SYNJ2: variants seen among roughly 807,000 people sequenced by gnomAD.
SYNJ2 encodes the protein synaptojanin 2.
In SYNJ2, 116 loss-of-function variants were observed where a neutral mutation model predicts 141.3. That is an observed-to-expected ratio of 0.82 (90% CI 0.71 to 0.96). The LOEUF is 0.96. SYNJ2 is among the 40% of genes least tolerant of loss of function. The probability of loss-of-function intolerance (pLI) is 0.00; values close to 1 mark genes in which losing one functional copy is unlikely to be tolerated. For missense variants in SYNJ2, 1,873 were observed against 1,934.8 expected, an observed-to-expected ratio of 0.97 and a Z score of 0.60; for synonymous variants, 745 against 777.7, an observed-to-expected ratio of 0.96 and a Z score of 0.70.
chr6:158,048,376 C>A (rs1367756087), intron 5 of SYNJ2, among the ~76,000 whole-genome samples: 1 of 152,090 alleles, frequency 6.6e-6, no homozygotes, highest in Non-Finnish European at 1.5e-5. Flanking sequence ...GATCAGGGAG[C>A]ATCACTGGGT....
At chr6:158,053,104 G>A (rs1295423662) in intron 5 of SYNJ2, among the ~76,000 whole-genome samples, 1 of 152,124 alleles carries the variant, frequency 6.6e-6, no homozygotes, top group Non-Finnish European at 1.5e-5. Context: ...TTTTCCTAGT[G>A]TTTCATTATA....
At chr6:158,020,196 TCTGA>T (rs1184091078) in intron 2 of SYNJ2, among the ~76,000 whole-genome samples, 2 of 84,534 alleles carry the variant, frequency 2.4e-5, no homozygotes, top group African/African-American at 5.4e-5. Flanking sequence ...CCTGTGTGAC[TCTGA>T]CTGTGTGACC....
At chr6:158,069,072 A>C (rs1013504733) in intron 13 of SYNJ2, among the ~76,000 whole-genome samples, 34 of 152,180 alleles carry the variant, frequency 2.2e-4, no homozygotes, top group African/African-American at 8.2e-4. Context: ...GGACTGGGAG[A>C]GTAGTTGACT....
chr6:158,082,293 C>A (rs1299202555), intron 20 of SYNJ2, among the ~76,000 whole-genome samples: 1 of 152,008 alleles, frequency 6.6e-6, no homozygotes, highest in African/African-American at 2.4e-5. Context: ...TCGAGACCAG[C>A]CTGGCCAACA....
chr6:157,994,355 G>A (rs535634163), intron 1 of SYNJ2, among the ~76,000 whole-genome samples: 4 of 152,332 alleles, frequency 2.6e-5, no homozygotes, highest in Non-Finnish European at 5.9e-5. Flanking sequence ...GACAGTCCAC[G>A]TGCTCCAGGG....
intron 1 of SYNJ2, among the ~76,000 whole-genome samples, chr6:158,003,321 T>G (rs1323377679): frequency 1.3e-5 from 2 of 152,196 alleles, no homozygotes; most frequent in Non-Finnish European, 2.9e-5. Context: ...CAGCTTCTGT[T>G]TCAGACAGAT....
In SYNJ2 at chr6:158,066,446, A is replaced by C. The variant is rs1340470555; in HGVS notation, c.1528A>C (p.Thr510Pro). 6.2e-7 allele frequency: 1 copy of C among 1,613,878 alleles called. No individual in the cohort carries two copies. The highest frequency in any genetic ancestry group is 8.5e-7 in the Non-Finnish European group (1 of 1,179,954). Residue 510 changes from threonine to proline, a missense_variant and splice_region_variant, in exon 12 of 27, where the codon ACT becomes CCT. By Grantham distance (38) the Thr-to-Pro change is conservative. Coordinates refer to ENST00000355585, the MANE Select transcript of SYNJ2 (RefSeq NM_003898.4). Reference sequence around the variant, plus strand: ...TGCCTTTTTATGCCTCCTGACAGTGACTCCCAGGATCCTGAAAGCTATGAC... The same window carrying C: ...TGCCTTTTTATGCCTCCTGACAGTGCCTCCCAGGATCCTGAAAGCTATGAC... ...MLLDSTALLV[T>P]PRILKAMTER...
chr6:158,054,898 G>T, intron 5 of SYNJ2, 69 bp from the exon 6 acceptor site: 1 of 1,541,850 alleles, frequency 6.5e-7, no homozygotes, highest in East Asian at 2.3e-5. Flanking sequence ...GAAGGAGAAT[G>T]GGAAAAACCA....
In SYNJ2 at chr6:158,055,194, G is replaced by A. The variant is rs187787934; in HGVS notation, c.857+166G>A. On this transcript the variant is annotated intron_variant, in intron 6 of 26. Coordinates refer to ENST00000355585, the MANE Select transcript of SYNJ2 (RefSeq NM_003898.4). ...ATGCAAGAAGGGAGATGACAAAATG[G>A]GATTTTTACTTTGTTCTCAGGTTTC... Among the ~76,000 whole-genome samples the A allele has an allele frequency of 3.5e-3, 530 of 152,220 alleles. 1 individual carries two copies. Among genetic ancestry groups the A allele is most frequent in the Admixed American group, 5.2e-3 (80 of 15,280 alleles).
At chr6:157,997,034 C>G (rs943979021) in intron 1 of SYNJ2, among the ~76,000 whole-genome samples, 30 of 144,920 alleles carry the variant, frequency 2.1e-4, no homozygotes, top group African/African-American at 6.4e-4. Flanking sequence ...CCCACCCCCC[C>G]CCACCCAGCT....
chr6:158,083,756 G>A (rs904469567), intron 21 of SYNJ2, among the ~76,000 whole-genome samples, 159 bp downstream of exon 21: 2 of 152,180 alleles, frequency 1.3e-5, no homozygotes, highest in Admixed American at 6.5e-5. Flanking sequence ...ATGTGTGGAC[G>A]ATGCATGCCA....
Position 158,063,950 on chromosome 6 carries a change from T to A in SYNJ2, c.1209+78T>A, listed in dbSNP as rs1781393149. On this transcript the variant is annotated intron_variant, in intron 9 of 26. Transcript: ENST00000355585. Reference sequence around the variant, plus strand: ...AGCTGGACAGGCTGGGCTGAGCACCTTTAGCGGCAAGATGAGGGTGGCATC... The same window carrying A: ...AGCTGGACAGGCTGGGCTGAGCACCATTAGCGGCAAGATGAGGGTGGCATC... The A allele has an allele frequency of 4.7e-6, 7 of 1,476,012 alleles. No individual in the cohort carries two copies. The Admixed American group carries it at 5.2e-5, about 11-fold the overall frequency. 91.4% of individuals were successfully genotyped at this position (1,476,012 alleles called of 1,614,324 possible).
intron 3 of SYNJ2, among the ~76,000 whole-genome samples, chr6:158,031,605 C>G (rs1348791364): frequency 7.3e-6 from 1 of 136,884 alleles, no homozygotes; most frequent in Non-Finnish European, 1.6e-5. Context: ...TGAACCCCCA[C>G]TGTTGTGGCG....
intron 4 of SYNJ2, among the ~76,000 whole-genome samples, chr6:158,038,789 C>T (rs139559017): frequency 2.0e-5 from 3 of 152,316 alleles, no homozygotes; most frequent in Non-Finnish European, 4.4e-5. Context: ...GTGGTACTTC[C>T]GATAGGTGGT....
At chr6:158,051,841 G>A (rs1395447912) in intron 5 of SYNJ2, among the ~76,000 whole-genome samples, 6 of 151,290 alleles carry the variant, frequency 4.0e-5, no homozygotes, top group Non-Finnish European at 7.4e-5. Flanking sequence ...TTGTAGTCCC[G>A]GCAACTTGGG....
At chr6:158,064,467 C>A in intron 9 of SYNJ2, 134 bp from the exon 10 acceptor site, 2 of 1,128,258 alleles carry the variant, frequency 1.8e-6, no homozygotes, top group Non-Finnish European at 2.6e-6. Flanking sequence ...GGGAACTCCT[C>A]ATCCTCTGGA....
At chr6:158,026,614 G>A (rs1322505730) in intron 2 of SYNJ2, among the ~76,000 whole-genome samples, 1 of 152,164 alleles carries the variant, frequency 6.6e-6, no homozygotes, top group Non-Finnish European at 1.5e-5. Flanking sequence ...CCCCCAGGCC[G>A]TGGTCCTGCC....
chr6:158,048,857 G>A (rs1486799657), intron 5 of SYNJ2, among the ~76,000 whole-genome samples: 2 of 152,240 alleles, frequency 1.3e-5, no homozygotes, highest in African/African-American at 4.8e-5. Flanking sequence ...CCGTCGGCTT[G>A]CAAGCCTGCA....
chr6:158,029,738 T>C (rs1314080373), intron 3 of SYNJ2, among the ~76,000 whole-genome samples: 5 of 152,186 alleles, frequency 3.3e-5, no homozygotes, highest in Admixed American at 2.0e-4. Context: ...TTACCGCTGA[T>C]GTTTATAAAG....
Sources: allele counts gnomAD v4.1 joint callset (sites outside exome capture counted in the v4.1 genomes callset), GRCh38; gene constraint gnomAD v4.1.1; transcripts MANE v1.5; gene names NCBI Gene and HGNC (gene_info 2026-07-23, HGNC 2026-07-21).